GZMA: variants seen among roughly 807,000 people sequenced by gnomAD.
GZMA encodes CTL tryptase.
A neutral mutation model predicts 21.1 loss-of-function variants in GZMA; 17 were observed. That is an observed-to-expected ratio of 0.81 (90% CI 0.55 to 1.21). The LOEUF (loss-of-function observed/expected upper bound fraction) is 1.21. Among genes scored for constraint, GZMA ranks in the 50% most tolerant of loss-of-function variants. GZMA has a pLI of 0.00. For missense variants in GZMA, 306 were observed against 315.9 expected (o/e 0.97, Z 0.24); for synonymous variants, 90 against 107.8 (o/e 0.83, Z 1.03).
chr5:55,108,341 G>C lies in GZMA; in HGVS notation c.574G>C (p.Gly192Arg). 1 of 1,613,058 alleles carries C rather than the reference G, an allele frequency of 6.2e-7. No homozygotes were observed. Among genetic ancestry groups the C allele is most frequent in the Non-Finnish European group, 8.5e-7 (1 of 1,179,076 alleles). The change falls in exon 4 of 5, where the codon GGA becomes CGA. Residue 192 changes from glycine (G) to arginine (R), a missense_variant. Physicochemically the swap from Gly to Arg is moderately radical, Grantham distance 125. Transcript: ENST00000274306. ...RNHYNFNPVI[G>R]MNMVCAGSLR... The stretch of plus-strand genomic sequence containing the variant: ...TCACTATAATTTTAACCCTGTGATT[G>C]GAATGAATATGGTTTGTGCTGGAAG...
Position 55,108,249 on chromosome 5 carries a change from CT to C in GZMA, c.484del (p.Trp162GlyfsTer5), listed in dbSNP as rs751955576. 6.2e-7 allele frequency: 1 copy of C among 1,613,930 alleles called. No homozygotes were observed. The highest frequency in any genetic ancestry group is 8.5e-7 in the Non-Finnish European group (1 of 1,179,912). Reference sequence around the variant, plus strand: ...TGGGGCAGGACTCACAATAGTGCATCTTGGTCCGATACTCTGAGAGAAGTCA... The same window carrying C: ...TGGGGCAGGACTCACAATAGTGCATCTGGTCCGATACTCTGAGAGAAGTCA... ...AGWGRTHNSASWSDTLREVNI... is the reference protein window; with the variant it reads ...AGWGRTHNSAXWSDTLREVNI... On this transcript the variant is annotated frameshift_variant, in exon 4 of 5. Transcript: ENST00000274306. LOFTEE classifies it high-confidence loss of function.
Position 55,105,555 on chromosome 5 carries a change from A to T in GZMA, c.152A>T (p.Lys51Ile), listed in dbSNP as rs1329543381. The change falls in exon 2 of 5, where the codon AAA becomes ATA. Residue 51 changes from lysine to isoleucine, a missense_variant. By Grantham distance (102) the Lys-to-Ile change is moderately radical. Coordinates refer to ENST00000274306, the MANE Select transcript of GZMA (RefSeq NM_006144.4). ...ATGGTCCTACTTAGTCTTGACAGAAAAACCATCTGTGCTGGGGCTTTGATT... is the reference window on the plus strand; with the variant it reads ...ATGGTCCTACTTAGTCTTGACAGAATAACCATCTGTGCTGGGGCTTTGATT... ...PYMVLLSLDR[K>I]TICAGALIAK... 6.2e-7 allele frequency: 1 copy of T among 1,613,206 alleles called. No individual in the cohort carries two copies. Among genetic ancestry groups the T allele is most frequent in the South Asian group, 1.1e-5 (1 of 91,062 alleles).
At chr5:55,107,672 G>A (rs1184948769) in intron 2 of GZMA, 122 bp from the exon 3 acceptor site, 2 of 566,584 alleles carry the variant, frequency 3.5e-6, no homozygotes, top group Admixed American at 3.3e-5. Flanking sequence ...TTTTCTTTCT[G>A]AGCCACAAAG....
At chr5:55,105,248 G>C (rs1284973811) in intron 1 of GZMA, among the ~76,000 whole-genome samples, 1 of 152,220 alleles carries the variant, frequency 6.6e-6, no homozygotes, top group Non-Finnish European at 1.5e-5. Flanking sequence ...TCCTGGAACA[G>C]TCAATGGCCT....
Position 55,110,152 on chromosome 5 carries a change from G to A in GZMA, c.759G>A (p.Trp253Ter). ...YILLSKKHLN[W>*]IIMTIKGAV ...TTCTCTCAAAGAAACACCTCAACTG[G>A]ATAATTATGACTATCAAGGGAGCAG... Residue 253 changes from tryptophan to a stop codon, truncating the protein, a stop_gained, in exon 5 of 5, where the codon TGG becomes TGA. Coordinates refer to ENST00000274306, the MANE Select transcript of GZMA (RefSeq NM_006144.4). LOFTEE classifies it high-confidence loss of function. The A allele has an allele frequency of 6.2e-7, 1 of 1,606,226 alleles. No homozygotes were observed. The highest frequency in any genetic ancestry group is 8.5e-7 in the Non-Finnish European group (1 of 1,176,266).
intron 2 of GZMA, 62 bp downstream of exon 2, chr5:55,105,680 TAA>T: frequency 6.9e-7 from 1 of 1,439,820 alleles, no homozygotes; most frequent in Non-Finnish European, 9.7e-7. Flanking sequence ...GAAACATTAA[TAA>T]AAAGAGTAGG....
chr5:55,107,766 C>T, intron 2 of GZMA, 28 bp from the exon 3 acceptor site: 2 of 1,593,832 alleles, frequency 1.3e-6, no homozygotes, highest in Non-Finnish European at 1.7e-6. Flanking sequence ...AGAATAAATC[C>T]AGTAAATAAT....
intron 2 of GZMA, 112 bp downstream of exon 2, chr5:55,105,730 T>G (rs1443539256): frequency 2.2e-6 from 2 of 924,406 alleles, no homozygotes; most frequent in Non-Finnish European, 3.4e-6. Context: ...CCCAGCACTT[T>G]GGGAGGCCAA....
rs1454370987 is a variant in GZMA, at chr5:55,108,393, A to G, written c.626A>G (p.Asn209Ser). 1 of 1,606,300 alleles carries G rather than the reference A, an allele frequency of 6.2e-7. No individual in the cohort carries two copies. Among genetic ancestry groups the G allele is most frequent in the African/African-American group, 1.3e-5 (1 of 74,644 alleles). Reference protein sequence around the residue: ...GSLRGGRDSCNGDSGSPLLCE... With the variant: ...GSLRGGRDSCSGDSGSPLLCE... The stretch of plus-strand genomic sequence containing the variant: ...CTCCGAGGTGGAAGAGACTCGTGCA[A>G]TGTAAGTAAAATAAGATCCCACGTT... Residue 209 changes from asparagine (N) to serine (S), a missense_variant and splice_region_variant, in exon 4 of 5, where the codon AAT becomes AGT. Coordinates refer to ENST00000274306, the MANE Select transcript of GZMA (RefSeq NM_006144.4).
In GZMA at chr5:55,108,224, T is replaced by A. The variant is rs1742446463; in HGVS notation, c.457T>A (p.Trp153Arg). ...KPGTMCQVAG[W>R]GRTHNSASWS... ...AGGAACCATGTGCCAAGTTGCAGGG[T>A]GGGGCAGGACTCACAATAGTGCATC... is the stretch of plus-strand genomic sequence containing the variant. Residue 153 changes from tryptophan (W) to arginine (R), a missense_variant, in exon 4 of 5, where the codon TGG (tryptophan) becomes AGG (arginine). Trp to Arg is a moderately radical substitution (Grantham distance 101). Transcript: ENST00000274306. 1 of 1,613,584 alleles carries A rather than the reference T, an allele frequency of 6.2e-7. No individual in the cohort carries two copies. The highest frequency in any genetic ancestry group is 8.5e-7 in the Non-Finnish European group (1 of 1,179,674).
At chr5:55,103,681 T>C (rs771917715) in intron 1 of GZMA, among the ~76,000 whole-genome samples, 5 of 152,188 alleles carry the variant, frequency 3.3e-5, no homozygotes, top group Non-Finnish European at 7.3e-5. Flanking sequence ...TGTAATAACC[T>C]GCCTTGCCAG....
chr5:55,106,220 A>T (rs1229629633), intron 2 of GZMA, among the ~76,000 whole-genome samples: 88 of 1,034 alleles, frequency 0.085, 16 homozygotes, highest in Non-Finnish European at 0.18. Context: ...TAAAATAAAA[A>T]ATAAAATAAA....
chr5:55,102,692 T>C lies in GZMA; in HGVS notation c.10T>C (p.Ser4Pro). The C allele has an allele frequency of 1.2e-6, 2 of 1,606,642 alleles. No individual in the cohort carries two copies. Among genetic ancestry groups the C allele is most frequent in the Non-Finnish European group, 1.7e-6 (2 of 1,173,188 alleles). MRN[S>P]YRFLASSLSV... Reference sequence around the variant, plus strand: ...TGGGACAGCAGCCACAATGAGGAACTCCTATAGATTTCTGGCATCCTCTCT... The same window carrying C: ...TGGGACAGCAGCCACAATGAGGAACCCCTATAGATTTCTGGCATCCTCTCT... The change falls in exon 1 of 5, where the codon TCC (serine) becomes CCC (proline). Residue 4 changes from serine to proline, a missense_variant. Coordinates refer to ENST00000274306, the MANE Select transcript of GZMA (RefSeq NM_006144.4).
chr5:55,107,632 TA>T (rs1165616571), intron 2 of GZMA, among the ~76,000 whole-genome samples, 161 bp from the exon 3 acceptor site: 3 of 152,222 alleles, frequency 2.0e-5, no homozygotes, highest in Non-Finnish European at 4.4e-5. Context: ...CTTTTATTCA[TA>T]AACATTCTTT....
At chr5:55,103,843 T>TA (rs1162682702) in intron 1 of GZMA, among the ~76,000 whole-genome samples, 2 of 151,776 alleles carry the variant, frequency 1.3e-5, no homozygotes, top group African/African-American at 4.8e-5. Flanking sequence ...TTGTCTCCAC[T>TA]AAAAAAACAA....
At chr5:55,109,733 AATAAAC>A (rs1742470572) in intron 4 of GZMA, among the ~76,000 whole-genome samples, 1 of 152,248 alleles carries the variant, frequency 6.6e-6, no homozygotes, top group African/African-American at 2.4e-5. Flanking sequence ...GAAAACGACA[AATAAAC>A]AGGAGACTTT....
chr5:55,108,269 G>A lies in GZMA; in HGVS notation c.502G>A (p.Glu168Lys). 1.2e-6 allele frequency: 2 copies of A among 1,613,924 alleles called. No individual in the cohort carries two copies. Among genetic ancestry groups the A allele is most frequent in the Non-Finnish European group, 1.7e-6 (2 of 1,179,864 alleles). The stretch of plus-strand genomic sequence containing the variant: ...TGCATCTTGGTCCGATACTCTGAGA[G>A]AAGTCAATATCACCATCATAGACAG... The part of the protein sequence containing the change: ...NSASWSDTLR[E>K]VNITIIDRKV... Residue 168 changes from glutamate to lysine, a missense_variant, in exon 4 of 5, where the codon GAA becomes AAA. Transcript: ENST00000274306.
chr5:55,104,512 T>C (rs561569490), intron 1 of GZMA, among the ~76,000 whole-genome samples: 1 of 152,352 alleles, frequency 6.6e-6, no homozygotes, highest in East Asian at 1.9e-4. Context: ...GAAAGGCTTC[T>C]ATAGCTGTCA....
In GZMA at chr5:55,102,724, T is replaced by G. The variant is rs777356225; in HGVS notation, c.42T>G (p.Val14=). ...SYRFLASSLS[V]VVSLLLIPED... is the part of the protein sequence containing the mutation. Reference sequence around the variant, plus strand: ...GATTTCTGGCATCCTCTCTCTCAGTTGTCGTTTCTCTCCTGCTAATTCCTG... The same window carrying G: ...GATTTCTGGCATCCTCTCTCTCAGTGGTCGTTTCTCTCCTGCTAATTCCTG... The change falls in exon 1 of 5, where the codon GTT becomes GTG. Residue 14 remains valine, a synonymous_variant. Transcript: ENST00000274306. 4.3e-6 allele frequency: 7 copies of G among 1,609,968 alleles called. No homozygotes were observed. In the Admixed American group the frequency reaches 1.2e-4, roughly 27 times the overall value.
Sources: gnomAD v4.1 joint callset for allele counts (sites outside exome capture counted in the v4.1 genomes callset) on GRCh38, gnomAD v4.1.1 for gene constraint, MANE v1.5 for transcripts, NCBI Gene and HGNC (gene_info 2026-07-23, HGNC 2026-07-21) for gene names.